The following ZNF331 variants were observed in gnomAD, a reference collection of about 807,000 sequenced individuals.
ZNF331 encodes the protein C2H2-like zinc finger protein rearranged in thyroid adenomas.
Under a neutral mutation model 7.0 loss-of-function variants are expected in ZNF331, and 2 were observed. The ratio of observed to expected loss-of-function variants is 0.29; its 90% CI spans 0.12 to 0.90. ZNF331 has a LOEUF of 0.90. Ranked by LOEUF, ZNF331 falls within the 40% of genes least tolerant of loss-of-function variation. The probability of loss-of-function intolerance (pLI) is 0.58; values close to 1 mark genes in which losing one functional copy is unlikely to be tolerated. For synonymous variants in ZNF331, 196 were observed against 205.4 expected, an observed-to-expected ratio of 0.95 and a Z score of 0.39; for missense variants, 432 against 587.7, an observed-to-expected ratio of 0.74 and a Z score of 2.74.
At chr19:53,574,962 G>A (rs2090638540) in intron 5 of ZNF331, among the ~76,000 whole-genome samples, 1 of 146,280 alleles carries the variant, frequency 6.8e-6, no homozygotes, top group African/African-American at 2.5e-5. Context: ...TTTTGAGGCA[G>A]GGTCTTACTC....
chr19:53,526,064 G>A (rs1220534169), intron 2 of ZNF331, among the ~76,000 whole-genome samples: 1 of 152,136 alleles, frequency 6.6e-6, no homozygotes. Flanking sequence ...TTCTGTTAAT[G>A]TGCTATATCA....
chr19:53,576,052 T>C (rs1249553440), intron 5 of ZNF331, among the ~76,000 whole-genome samples: 1 of 151,914 alleles, frequency 6.6e-6, no homozygotes, highest in African/African-American at 2.4e-5. Flanking sequence ...TGGCATGATC[T>C]CGGCTCACTG....
the ZNF331 span, among the ~76,000 whole-genome samples, chr19:53,506,214 A>G: frequency 7.5e-6 from 1 of 133,740 alleles, no homozygotes. Context: ...GGGCGCCTGT[A>G]ATCCCAGCTA....
chr19:53,551,722 T>C (rs1393385209), intron 2 of ZNF331, among the ~76,000 whole-genome samples: 1 of 152,064 alleles, frequency 6.6e-6, no homozygotes, highest in Non-Finnish European at 1.5e-5. Context: ...TACAGACTTT[T>C]CTTCTCATTA....
At chr19:53,564,938 G>GA (rs888574005) in intron 3 of ZNF331, among the ~76,000 whole-genome samples, 4 of 152,110 alleles carry the variant, frequency 2.6e-5, no homozygotes, top group African/African-American at 4.8e-5. Context: ...ATCTTTCCTA[G>GA]AAAAAACTGA....
In ZNF331 at chr19:53,546,140, G is replaced by GAAAAAA. The variant is rs527391326; in HGVS notation, c.-138+6874_-138+6879dup. Among the ~76,000 whole-genome samples the GAAAAAA allele has an allele frequency of 8.4e-3, 954 of 113,350 alleles. 18 individuals are homozygous for GAAAAAA. The highest frequency in any genetic ancestry group is 0.016 in the African/African-American group (542 of 34,282). The allele number at this position is 113,350 out of a possible 152,430, so 74.4% of individuals were successfully genotyped here. A position where few individuals can be genotyped will look rare whatever the true frequency, so the allele number is the denominator to read the frequency against. ...CCTTCAGAAAAAGCATCCTGAGGGG[G>GAAAAAA]AAAAAAAAAAAAAAAAAAAAATTAT... On this transcript the variant is annotated intron_variant, in intron 2 of 5. Transcript: ENST00000449416.
At chr19:53,550,872 A>G (rs1452376750) in intron 2 of ZNF331, among the ~76,000 whole-genome samples, 10 of 133,242 alleles carry the variant, frequency 7.5e-5, no homozygotes, top group Admixed American at 3.2e-4. Context: ...TTTTTTTGAG[A>G]CAGAGTCTTG....
At chr19:53,546,117 T>C (rs1018748137) in intron 2 of ZNF331, among the ~76,000 whole-genome samples, 3 of 123,226 alleles carry the variant, frequency 2.4e-5, no homozygotes, top group Admixed American at 9.8e-5. Context: ...GCTGGCATCC[T>C]TCAGAAAAAG....
rs1191288688 is a variant in ZNF331 at position 53,571,967 on chromosome 19, T to A, written c.136+237T>A. Among the ~76,000 whole-genome samples, 1 of 152,166 alleles carries A rather than the reference T, an allele frequency of 6.6e-6. No homozygotes were observed. Among genetic ancestry groups the A allele is most frequent in the Non-Finnish European group, 1.5e-5 (1 of 68,024 alleles). On this transcript the variant is annotated intron_variant, in intron 5 of 5. Coordinates refer to ENST00000449416, the MANE Select transcript of ZNF331 (RefSeq NM_001079906.2). This position sits in a 1 kb window ranked among gnomAD's most constrained non-coding sequence, Gnocchi z 4.7. ...TCTCACTTCCTTAATGTCCGTGGAA[T>A]GAGTGGGAATTCTGGGATATTTATT...
In ZNF331 at chr19:53,556,159, C is replaced by T. The variant is rs544434510; in HGVS notation, c.-74+251C>T. 1.7e-3 allele frequency among the ~76,000 whole-genome samples: 241 copies of T among 145,834 alleles called. 1 individual carries two copies. The highest frequency in any genetic ancestry group is 5.8e-3 in the African/African-American group (229 of 39,528). On this transcript the variant is annotated intron_variant, in intron 3 of 5. Transcript: ENST00000449416. The stretch of plus-strand genomic sequence containing the variant: ...TCGGGAGGCTGAGGCAGGAGAATGG[C>T]GGGAACCCGGGAGGCGGAGCTTGCA...
chr19:53,518,542 T>C (rs1220767886), upstream of ZNF331, among the ~76,000 whole-genome samples: 1 of 152,234 alleles, frequency 6.6e-6, no homozygotes, highest in Non-Finnish European at 1.5e-5. Flanking sequence ...GGCAATTCTC[T>C]TTGGTACTGC....
intron 2 of ZNF331, among the ~76,000 whole-genome samples, chr19:53,547,678 CAT>C (rs1432278582): frequency 6.6e-6 from 1 of 152,164 alleles, no homozygotes. Flanking sequence ...GCCTTGCCAA[CAT>C]GTTATTTTTT....
chr19:53,547,544 T>C lies in ZNF331; in HGVS notation c.-138+8262T>C, dbSNP rs538634759. 3.0e-3 allele frequency among the ~76,000 whole-genome samples: 460 copies of C among 152,352 alleles called. 1 individual carries two copies. Among genetic ancestry groups the C allele is most frequent in the Admixed American group, 5.6e-3 (85 of 15,298 alleles). On this transcript the variant is annotated intron_variant, in intron 2 of 5. Transcript: ENST00000449416. ...ACTAATTTCATTTTCTTTGGATATATACCCAGAGTGGGATTGCTGCGTCAT... is the reference window on the plus strand; with the variant it reads ...ACTAATTTCATTTTCTTTGGATATACACCCAGAGTGGGATTGCTGCGTCAT...
chr19:53,566,917 C>T (rs749056659), intron 3 of ZNF331, among the ~76,000 whole-genome samples: 2 of 150,420 alleles, frequency 1.3e-5, no homozygotes, highest in Non-Finnish European at 3.0e-5. Context: ...GTTCTGCATT[C>T]CCTCCTTCCC....
chr19:53,509,788 A>G, the ZNF331 span, among the ~76,000 whole-genome samples: 1 of 152,212 alleles, frequency 6.6e-6, no homozygotes, highest in Non-Finnish European at 1.5e-5. Flanking sequence ...CCCTAGCTAC[A>G]AAGAACTACC....
chr19:53,506,475 T>C, the ZNF331 span, among the ~76,000 whole-genome samples: 1 of 143,978 alleles, frequency 6.9e-6, no homozygotes, highest in Non-Finnish European at 1.5e-5. Context: ...TCTCTCTCTC[T>C]CTCTCTGTCT....
chr19:53,535,189 G>A (rs537985342), upstream of ZNF331, among the ~76,000 whole-genome samples: 2 of 151,010 alleles, frequency 1.3e-5, no homozygotes, highest in Admixed American at 6.6e-5. Context: ...TCTGCCTCCC[G>A]GGTTCAAGAG....
Position 53,577,657 on chromosome 19 carries a change from G to T in ZNF331, c.1097G>T (p.Cys366Phe). ...KCTECGKAFN[C>F]GYHLTQHERI... Reference sequence around the variant, plus strand: ...ACAGAATGTGGGAAGGCCTTCAATTGTGGCTATCACCTCACTCAGCACGAG... The same window carrying T: ...ACAGAATGTGGGAAGGCCTTCAATTTTGGCTATCACCTCACTCAGCACGAG... The change falls in exon 6 of 6, where the codon TGT (cysteine) becomes TTT (phenylalanine). Residue 366 changes from cysteine (C) to phenylalanine (F), a missense_variant. By Grantham distance (205) the Cys-to-Phe change is radical. This residue lies in a region of ZNF331 where 312 missense variants were observed against 448.6 expected (regional missense o/e 0.70). Coordinates refer to ENST00000449416, the MANE Select transcript of ZNF331 (RefSeq NM_001079906.2). 2 of 1,614,072 alleles carry T rather than the reference G, an allele frequency of 1.2e-6. No homozygotes were observed. Among genetic ancestry groups the T allele is most frequent in the Non-Finnish European group, 1.7e-6 (2 of 1,180,016 alleles).
Position 53,578,111 on chromosome 19 carries a change from A to G in ZNF331, c.*159A>G. 2.0e-6 allele frequency: 2 copies of G among 990,942 alleles called. No homozygotes were observed. The highest frequency in any genetic ancestry group is 1.8e-5 in the South Asian group (1 of 56,038). 61.4% of individuals were successfully genotyped at this position (990,942 alleles called of 1,614,324 possible). ...GTGCCCTTCTGAGTAGCGTGATGAA[A>G]TCTCTCGCTGTCCGGCTCCAGCCGG... is the stretch of plus-strand genomic sequence containing the variant. On this transcript the variant is annotated 3_prime_UTR_variant, in exon 6 of 6. Transcript: ENST00000449416.
Sources: gnomAD v4.1 joint callset for allele counts (sites outside exome capture counted in the v4.1 genomes callset) on GRCh38, gnomAD v4.1.1 for gene constraint, gnomAD v4.1.1 regional missense constraint, Gnocchi (gnomAD v3.1) non-coding constraint, MANE v1.5 for transcripts, NCBI Gene and HGNC (gene_info 2026-07-23, HGNC 2026-07-21) for gene names.